Variants in CDC42BPG observed in about 807,000 individuals in gnomAD.
CDC42BPG encodes the protein CDC42 binding protein kinase gamma.
A neutral mutation model predicts 192.2 loss-of-function variants in CDC42BPG; 157 were observed. The observed-to-expected ratio is 0.82, with a 90% CI of 0.72 to 0.93. The LOEUF is 0.93. CDC42BPG is among the 40% of genes least tolerant of loss of function. The pLI is 0.00. For synonymous variants in CDC42BPG, 981 were observed against 918.5 expected, an observed-to-expected ratio of 1.07 and a Z score of -1.23; for missense variants, 1,992 against 2,122.1, an observed-to-expected ratio of 0.94 and a Z score of 1.20.
chr11:64,843,906 C>T (rs1943389124), intron 1 of CDC42BPG, among the ~76,000 whole-genome samples: 1 of 152,112 alleles, frequency 6.6e-6, no homozygotes, highest in South Asian at 2.1e-4. Context: ...TGCAAGTGTG[C>T]GATACCTACA....
At chr11:64,843,659 A>C (rs1177329449) in intron 1 of CDC42BPG, among the ~76,000 whole-genome samples, 1 of 152,132 alleles carries the variant, frequency 6.6e-6, no homozygotes, top group Non-Finnish European at 1.5e-5. Context: ...GCCAGTGCCC[A>C]CAGTGGGTTC....
rs1052498063 is a variant in CDC42BPG at position 64,827,524 on chromosome 11, C to T, written c.4150+3G>A. 1.2e-6 allele frequency: 2 copies of T among 1,612,014 alleles called. No individual in the cohort carries two copies. Among genetic ancestry groups the T allele is most frequent in the Non-Finnish European group, 1.7e-6 (2 of 1,178,534 alleles). On this transcript the variant is annotated splice_donor_region_variant and intron_variant, in intron 32 of 36. Coordinates refer to ENST00000342711, the MANE Select transcript of CDC42BPG (RefSeq NM_017525.3). The stretch of plus-strand genomic sequence containing the variant: ...ACACACCCGTACACACGCACTCCCT[C>T]ACCTGCCAGCTGGTTCCTGAGGTAG...
At chr11:64,838,528 A>T in intron 8 of CDC42BPG, 126 bp downstream of exon 8, 1 of 1,311,982 alleles carries the variant, frequency 7.6e-7, no homozygotes, top group Non-Finnish European at 1.1e-6. Context: ...GGGAGTCCAT[A>T]AATCATAAGC....
rs1178125688 is a variant in CDC42BPG, at chr11:64,827,616, G to A, written c.4066-5C>T. The A allele has an allele frequency of 5.0e-6, 8 of 1,607,316 alleles. No homozygotes were observed. The highest frequency in any genetic ancestry group is 6.8e-6 in the Non-Finnish European group (8 of 1,175,104). On this transcript the variant is annotated splice_region_variant and splice_polypyrimidine_tract_variant and intron_variant, in intron 31 of 36. Coordinates refer to ENST00000342711, the MANE Select transcript of CDC42BPG (RefSeq NM_017525.3). ...CTCTGGATTGAGGGGCCGCACCTGAGGCAGCAGGCACAGCGGTCAGGCCAC... is the reference window on the plus strand; with the variant it reads ...CTCTGGATTGAGGGGCCGCACCTGAAGCAGCAGGCACAGCGGTCAGGCCAC...
intron 15 of CDC42BPG, 33 bp from the exon 16 acceptor site, chr11:64,835,452 C>G (rs138968644): frequency 6.7e-5 from 108 of 1,612,310 alleles, no homozygotes; most frequent in Non-Finnish European, 1.9e-5. Flanking sequence ...CGTGACTCAC[C>G]GCCCAGGCCA....
At position 64,830,353 on chromosome 11, in the gene CDC42BPG, G is replaced by A. The variant is rs540160277; in HGVS notation, c.3305-97C>T. 2.7e-3 allele frequency: 2,701 copies of A among 1,018,370 alleles called. 26 individuals are homozygous for A. Among genetic ancestry groups the A allele is most frequent in the Non-Finnish European group, 2.5e-3 (1,689 of 665,126 alleles). The allele number at this position is 1,018,370 out of a possible 1,614,324, so 63.1% of individuals were successfully genotyped here. A position where few individuals can be genotyped will look rare whatever the true frequency, so the allele number is the denominator to read the frequency against. On this transcript the variant is annotated intron_variant, in intron 28 of 36. Coordinates refer to ENST00000342711, the MANE Select transcript of CDC42BPG (RefSeq NM_017525.3). Reference sequence around the variant, plus strand: ...GCCCTGCTGTGCCTGTTTATCTTGAGGAAATGGGGGTGGCAATAATCCCGC... The same window carrying A: ...GCCCTGCTGTGCCTGTTTATCTTGAAGAAATGGGGGTGGCAATAATCCCGC...
In CDC42BPG at chr11:64,824,167, GCT is replaced by G; in HGVS notation, c.*304_*305del. 2.3e-6 allele frequency: 1 copy of G among 440,960 alleles called. No individual in the cohort carries two copies. Among genetic ancestry groups the G allele is most frequent in the Admixed American group, 3.6e-5 (1 of 27,914 alleles). 27.3% of individuals were successfully genotyped at this position (440,960 alleles called of 1,614,324 possible). On this transcript the variant is annotated 3_prime_UTR_variant, in exon 37 of 37. Transcript: ENST00000342711. ...TCCCAACTCTTACAAGCCTCTGGGG[GCT>G]TGGCACTGGAAATAAGAGCTTTGGC...
rs746861642 is a variant in CDC42BPG at position 64,827,417 on chromosome 11, GC to G, written c.4151-20del. 6 of 1,611,382 alleles carry G rather than the reference GC, an allele frequency of 3.7e-6. No homozygotes were observed. The South Asian group carries it at 5.5e-5, about 15-fold the overall frequency. On this transcript the variant is annotated intron_variant, in intron 32 of 36. Transcript: ENST00000342711. ...TCCTTCTCTGTGGGAGAAGTGGAGA[GC>G]TGGGCTGTGCTCACACATTCCCGGG...
Position 64,834,283 on chromosome 11 carries a change from C to T in CDC42BPG, c.2396G>A (p.Arg799Gln), listed in dbSNP as rs370119583. ...QELAMLREEL[R>Q]ARGPVDTKPS... ...CCACTCACCCACTGGCCCTCGGGCC[C>T]GCAGCTCCTCCCGCAGCATGGCGAG... Residue 799 changes from arginine (R) to glutamine (Q), a missense_variant, in exon 20 of 37, where the codon CGG becomes CAG. Around this residue, in one of 2 missense-constraint regions of CDC42BPG, gnomAD observed 1,656 missense variants for 1,844.3 expected, o/e 0.90. Transcript: ENST00000342711. The T allele has an allele frequency of 2.2e-5, 34 of 1,576,234 alleles. No homozygotes were observed. Among genetic ancestry groups the T allele is most frequent in the African/African-American group, 2.7e-5 (2 of 73,896 alleles).
At position 64,826,653 on chromosome 11, in the gene CDC42BPG, C is replaced by T; in HGVS notation, c.4513+18G>A. The T allele has an allele frequency of 6.3e-7, 1 of 1,583,012 alleles. No individual in the cohort carries two copies. The highest frequency in any genetic ancestry group is 8.6e-7 in the Non-Finnish European group (1 of 1,164,014). On this transcript the variant is annotated intron_variant, in intron 35 of 36. Coordinates refer to ENST00000342711, the MANE Select transcript of CDC42BPG (RefSeq NM_017525.3). ...GGGGTGGGGGGTGGCACACTGGAGGCTGAGGGGCTGCCCTTACTGGGGTCT... is the reference window on the plus strand; with the variant it reads ...GGGGTGGGGGGTGGCACACTGGAGGTTGAGGGGCTGCCCTTACTGGGGTCT...
At chr11:64,827,848 C>T in intron 30 of CDC42BPG, 65 bp from the exon 31 acceptor site, 1 of 1,388,288 alleles carries the variant, frequency 7.2e-7, no homozygotes, top group Admixed American at 2.1e-5. Flanking sequence ...ACCTTGTCCC[C>T]TGCCACAGCA....
In CDC42BPG at chr11:64,828,370, A is replaced by G. The variant is rs570564665; in HGVS notation, c.3968-587T>C. Among the ~76,000 whole-genome samples the G allele has an allele frequency of 3.9e-5, 6 of 152,314 alleles. No individual in the cohort carries two copies. In the South Asian group the frequency reaches 1.2e-3, roughly 32 times the overall value. ...CTGGGCTGGGGGCTTGATGTGGATG[A>G]GGAAACCAGCCCCGGCCCATTCTGT... On this transcript the variant is annotated intron_variant, in intron 30 of 36. Coordinates refer to ENST00000342711, the MANE Select transcript of CDC42BPG (RefSeq NM_017525.3).
intron 36 of CDC42BPG, among the ~76,000 whole-genome samples, chr11:64,824,811 G>A (rs1463516713): frequency 6.6e-6 from 1 of 151,986 alleles, no homozygotes. Flanking sequence ...ATAATGGCAT[G>A]ATCTTGGCTC....
chr11:64,837,967 A>C, intron 9 of CDC42BPG, 116 bp downstream of exon 9: 2 of 858,734 alleles, frequency 2.3e-6, no homozygotes, highest in Non-Finnish European at 3.8e-6. Context: ...TGCCACATGC[A>C]GATACTGGGG....
At chr11:64,826,108 G>A (rs1241915253) in intron 36 of CDC42BPG, among the ~76,000 whole-genome samples, 2 of 149,584 alleles carry the variant, frequency 1.3e-5, no homozygotes, top group Non-Finnish European at 3.0e-5. Flanking sequence ...CTCCCCTTCT[G>A]TGGCACCTTC....
Position 64,833,624 on chromosome 11 carries a change from G to C in CDC42BPG, c.2601C>G (p.Ala867=), listed in dbSNP as rs777277304. The C allele has an allele frequency of 6.2e-7, 1 of 1,611,858 alleles. No homozygotes were observed. The highest frequency in any genetic ancestry group is 1.7e-5 in the Admixed American group (1 of 59,690). The change falls in exon 23 of 37, where the codon GCC becomes GCG. Residue 867 remains alanine, a synonymous_variant. Coordinates refer to ENST00000342711, the MANE Select transcript of CDC42BPG (RefSeq NM_017525.3). ...CCTTAGCAGGAAGACCTTCTGTAGA[G>C]GCTGTGTTGGCAGTGGGTGCTCTGG... ...VFPRAPTANT[A]STEGLPAKPG...
At chr11:64,826,836 A>G (rs758334833) in intron 34 of CDC42BPG, 42 bp from the exon 35 acceptor site, 7 of 1,468,134 alleles carry the variant, frequency 4.8e-6, no homozygotes, top group African/African-American at 1.4e-5. Context: ...TAGCAGGCAC[A>G]AGGAGGACAA....
At chr11:64,844,164 G>A (rs1286991414) in intron 1 of CDC42BPG, among the ~76,000 whole-genome samples, 1 of 152,006 alleles carries the variant, frequency 6.6e-6, no homozygotes, top group Non-Finnish European at 1.5e-5. Context: ...AGCACAAGTT[G>A]GTATGTGTGT....
rs61214532 is a variant in CDC42BPG, at chr11:64,843,944, G to T, written c.160+466C>A. Among the ~76,000 whole-genome samples, 882 of 152,298 alleles carry T rather than the reference G, an allele frequency of 5.8e-3. 25 individuals carry two copies. In the South Asian group the frequency reaches 0.059, roughly 10 times the overall value. ...TCTGTGTGTTTTGCAGTGCCAATGC[G>T]GTCGGGGTGGTCTGCAGCGCTCCCT... On this transcript the variant is annotated intron_variant, in intron 1 of 36. Transcript: ENST00000342711.
Sources: gnomAD v4.1 joint callset for allele counts (sites outside exome capture counted in the v4.1 genomes callset) on GRCh38, gnomAD v4.1.1 for gene constraint, gnomAD v4.1.1 regional missense constraint, MANE v1.5 for transcripts, NCBI Gene and HGNC (gene_info 2026-07-23, HGNC 2026-07-21) for gene names.